DLG1: variants seen among roughly 807,000 people sequenced by gnomAD.
The protein encoded by DLG1 is discs large MAGUK scaffold protein 1, also known as disks large homolog 1.
A neutral mutation model predicts 123.4 loss-of-function variants in DLG1; 42 were observed. The ratio of observed to expected loss-of-function variants is 0.34; its 90% CI spans 0.27 to 0.44. The LOEUF is 0.44. Among genes scored for constraint, DLG1 ranks in the 20% least tolerant of loss-of-function variants. The pLI is 1.00. For synonymous variants in DLG1, 317 were observed against 356.2 expected (o/e 0.89, Z 1.24); for missense variants, 942 against 1,082.6 (o/e 0.87, Z 1.82).
chr3:197,280,543 GT>G (rs540029220), intron 4 of DLG1, among the ~76,000 whole-genome samples: 7 of 152,034 alleles, frequency 4.6e-5, no homozygotes, highest in Non-Finnish European at 1.0e-4. Flanking sequence ...TCTATTTTTA[GT>G]TTTTTTGAGA....
At chr3:197,128,184 T>C (rs1780762545) in intron 11 of DLG1, among the ~76,000 whole-genome samples, 1 of 152,218 alleles carries the variant, frequency 6.6e-6, no homozygotes, top group African/African-American at 2.4e-5. Context: ...CTGAAGTGAA[T>C]TCTCTTAAAC....
At chr3:197,094,696 A>T (rs1006401315) in intron 14 of DLG1, among the ~76,000 whole-genome samples, 3 of 152,014 alleles carry the variant, frequency 2.0e-5, no homozygotes, top group Non-Finnish European at 4.4e-5. Context: ...ATCATTTTGG[A>T]TGTCTGCAGG....
chr3:197,270,271 AAATATGAAGT>A (rs1423169343), intron 4 of DLG1, among the ~76,000 whole-genome samples: 5 of 152,214 alleles, frequency 3.3e-5, no homozygotes, highest in African/African-American at 1.2e-4. Flanking sequence ...TCGTCTAGTC[AAATATGAAGT>A]AATATGAGCA....
chr3:197,114,991 A>G (rs1247608408), intron 13 of DLG1, among the ~76,000 whole-genome samples: 8 of 41,422 alleles, frequency 1.9e-4, no homozygotes, highest in Admixed American at 8.4e-4. Context: ...CTCAAGGAAA[A>G]AAAAAAAAAA....
intron 17 of DLG1, chr3:197,078,358 T>G (rs978750250): frequency 8.6e-5 from 13 of 151,874 alleles, no homozygotes; most frequent in African/African-American, 3.1e-4. Context: ...TAAAGTGACT[T>G]TTAGCTCAAA....
In DLG1 at chr3:197,138,238, G is replaced by T; in HGVS notation, c.867C>A (p.Leu289=). The change falls in exon 9 of 25, where the codon CTC becomes CTA. Residue 289 remains leucine, a synonymous_variant. Transcript: ENST00000667157. ...ACCACATACCTTTAGGACCTTTAAT[G>T]AGCTTTATTTCCATTATTTTTTCTG... ...PVSEKIMEIK[L]IKGPKGLGFS... 6.3e-7 allele frequency: 1 copy of T among 1,583,166 alleles called. No homozygotes were observed. The highest frequency in any genetic ancestry group is 8.6e-7 in the Non-Finnish European group (1 of 1,160,604).
At chr3:197,092,358 GACTT>G (rs1560603682) in intron 14 of DLG1, among the ~76,000 whole-genome samples, 2 of 152,124 alleles carry the variant, frequency 1.3e-5, no homozygotes, top group African/African-American at 4.8e-5. Flanking sequence ...CCGGCATAAT[GACTT>G]ACTTGTTTTA....
chr3:197,048,543 A>G (rs1349890181), intron 24 of DLG1, among the ~76,000 whole-genome samples: 1 of 152,210 alleles, frequency 6.6e-6, no homozygotes, highest in African/African-American at 2.4e-5. Context: ...AAGATAAGAG[A>G]TAACAAGTAG....
At chr3:197,298,345 C>T (rs554321774) in intron 1 of DLG1, 191 bp downstream of exon 1, 15 of 396,518 alleles carry the variant, frequency 3.8e-5, no homozygotes, top group African/African-American at 1.6e-4. Context: ...GCTGAAGTGG[C>T]TCTGAGAACA....
intron 4 of DLG1, among the ~76,000 whole-genome samples, chr3:197,208,298 G>A (rs147368332): frequency 1.4e-5 from 2 of 146,418 alleles, no homozygotes; most frequent in East Asian, 3.9e-4. Context: ...ACTTTCATAC[G>A]AATCTGTGGA....
chr3:197,071,068 T>TA (rs1204803629), intron 18 of DLG1: 2 of 152,196 alleles, frequency 1.3e-5, no homozygotes, highest in Non-Finnish European at 2.9e-5. Context: ...TCTTCATTTA[T>TA]ATATACCTTT....
chr3:197,212,179 T>C (rs1731578490), intron 4 of DLG1, among the ~76,000 whole-genome samples: 1 of 146,042 alleles, frequency 6.8e-6, no homozygotes, highest in Non-Finnish European at 1.5e-5. Flanking sequence ...TGTTCACCTA[T>C]GTAACAAAGC....
At chr3:197,156,232 C>A (rs1354970937) in intron 5 of DLG1, among the ~76,000 whole-genome samples, 1 of 152,058 alleles carries the variant, frequency 6.6e-6, no homozygotes, top group Non-Finnish European at 1.5e-5. Flanking sequence ...TAAGCTTGTA[C>A]AAATTGAGAT....
In DLG1 at chr3:197,065,235, T is replaced by C. The variant is rs1050049950; in HGVS notation, c.2373+41A>G. ...AGTCTTGCATACTGTCAAAGGCATA[T>C]CTGATTAGAAGCTATATTCTGGGAT... On this transcript the variant is annotated intron_variant, in intron 22 of 24. Transcript: ENST00000667157. 7.8e-6 allele frequency: 12 copies of C among 1,543,702 alleles called. No individual in the cohort carries two copies. The East Asian group carries it at 9.2e-5, about 12-fold the overall frequency.
At chr3:197,204,483 T>C (rs1727509107) in intron 4 of DLG1, among the ~76,000 whole-genome samples, 1 of 152,222 alleles carries the variant, frequency 6.6e-6, no homozygotes, top group Non-Finnish European at 1.5e-5. Context: ...TCCATCAGTG[T>C]GTTAATAAAA....
At chr3:197,179,815 A>G (rs956758121) in intron 5 of DLG1, among the ~76,000 whole-genome samples, 1 of 152,146 alleles carries the variant, frequency 6.6e-6, no homozygotes, top group African/African-American at 2.4e-5. Flanking sequence ...GTTTCAGACA[A>G]ACAATATTTT....
chr3:197,247,404 G>C (rs1384153777), intron 4 of DLG1, among the ~76,000 whole-genome samples: 2 of 152,114 alleles, frequency 1.3e-5, no homozygotes, highest in Non-Finnish European at 2.9e-5. Flanking sequence ...CCAGATGTTA[G>C]TGGGCTGTTC....
At chr3:197,241,459 A>G (rs1172371214) in intron 4 of DLG1, among the ~76,000 whole-genome samples, 2 of 152,180 alleles carry the variant, frequency 1.3e-5, no homozygotes, top group Admixed American at 1.3e-4. Context: ...AAAACAAACT[A>G]AAAAAACATT....
intron 21 of DLG1, 35 bp downstream of exon 21, chr3:197,065,673 A>C: frequency 7.1e-7 from 1 of 1,399,532 alleles, no homozygotes; most frequent in Non-Finnish European, 1.0e-6. Context: ...AAATGTTAAG[A>C]GTAACAATTA....
Sources: gnomAD v4.1 joint callset for allele counts (sites outside exome capture counted in the v4.1 genomes callset) on GRCh38, gnomAD v4.1.1 for gene constraint, MANE v1.5 for transcripts, NCBI Gene and HGNC (gene_info 2026-07-23, HGNC 2026-07-21) for gene names.